The following BICD1 variants were observed in gnomAD, a reference collection of about 807,000 sequenced individuals.
BICD1 encodes protein bicaudal D homolog 1.
In BICD1, 35 loss-of-function variants were observed where a neutral mutation model predicts 92.5. That is an observed-to-expected ratio of 0.38 (90% CI 0.29 to 0.50). The LOEUF is 0.50. Among genes scored for constraint, BICD1 ranks in the 20% least tolerant of loss-of-function variants. The pLI is 0.93. For synonymous variants in BICD1, 429 were observed against 465.1 expected, an observed-to-expected ratio of 0.92 and a Z score of 1.00; for missense variants, 950 against 1,189.8, an observed-to-expected ratio of 0.80 and a Z score of 2.97.
chr12:32,142,489 T>TC (rs1232548203), intron 1 of BICD1, among the ~76,000 whole-genome samples: 28 of 50,738 alleles, frequency 5.5e-4, no homozygotes, highest in Non-Finnish European at 1.0e-3. Context: ...TATCTATCTA[T>TC]TGGTCTATCT....
chr12:32,193,625 C>T (rs1432737371), intron 1 of BICD1, among the ~76,000 whole-genome samples: 1 of 151,904 alleles, frequency 6.6e-6, no homozygotes, highest in Non-Finnish European at 1.5e-5. Context: ...GGATCAATTC[C>T]TAGAAACATA....
intron 9 of BICD1, among the ~76,000 whole-genome samples, chr12:32,370,370 A>G (rs1014026925): frequency 8.5e-5 from 13 of 152,102 alleles, no homozygotes; most frequent in Non-Finnish European, 1.6e-4. Context: ...AAAAAAAAAA[A>G]AGAAATAATG....
At chr12:32,279,001 C>T (rs951526352) in intron 2 of BICD1, among the ~76,000 whole-genome samples, 2 of 152,144 alleles carry the variant, frequency 1.3e-5, no homozygotes, top group African/African-American at 4.8e-5. Context: ...CAATGCAGTA[C>T]TTTGCTGATA....
intron 8 of BICD1, chr12:32,339,382 G>A: frequency 2.0e-6 from 2 of 988,408 alleles, no homozygotes; most frequent in Non-Finnish European, 2.4e-6. Context: ...TGTATAACAA[G>A]GCTTTTGGGC....
At chr12:32,366,603 A>T (rs917850891) in intron 8 of BICD1, among the ~76,000 whole-genome samples, 3 of 152,156 alleles carry the variant, frequency 2.0e-5, no homozygotes, top group African/African-American at 7.2e-5. Flanking sequence ...CTGAGATTGC[A>T]CCATTGCACT....
chr12:32,378,423 C>CT lies in BICD1; in HGVS notation c.*799dup, dbSNP rs1199852983. 6.6e-6 allele frequency: 1 copy of CT among 152,086 alleles called. No homozygotes were observed. The highest frequency in any genetic ancestry group is 1.5e-5 in the Non-Finnish European group (1 of 68,010). The allele number at this position is 152,086 out of a possible 1,614,324, so 9.4% of individuals were successfully genotyped here. Reference sequence around the variant, plus strand: ...TGACTTATTCAAGTTTTGATGGCATCTTTACTTTTATTTTTTCATTGCAGT... The same window carrying CT: ...TGACTTATTCAAGTTTTGATGGCATCTTTTACTTTTATTTTTTCATTGCAGT... On this transcript the variant is annotated 3_prime_UTR_variant, in exon 10 of 10. Coordinates refer to ENST00000652176, the MANE Select transcript of BICD1 (RefSeq NM_001714.4).
At chr12:32,322,103 A>G (rs1948675801) in intron 4 of BICD1, among the ~76,000 whole-genome samples, 1 of 152,222 alleles carries the variant, frequency 6.6e-6, no homozygotes, top group East Asian at 1.9e-4. Flanking sequence ...CTGAGTGAAA[A>G]TACAGTGTTG....
chr12:32,169,420 G>A (rs1164797732), intron 1 of BICD1, among the ~76,000 whole-genome samples: 2 of 152,058 alleles, frequency 1.3e-5, no homozygotes, highest in Non-Finnish European at 2.9e-5. Context: ...GAAGCAGCTT[G>A]GCCTGGACCC....
rs892555323 is a variant in BICD1 at position 32,179,860 on chromosome 12, G to A, written c.214-36387G>A. Among the ~76,000 whole-genome samples, 8 of 151,514 alleles carry A rather than the reference G, an allele frequency of 5.3e-5. No individual in the cohort carries two copies. In the East Asian group the frequency reaches 7.7e-4, roughly 15 times the overall value. ...CAAAAATTAGCTGGGCATGGTGGTA[G>A]GCACCTGTAATCCCAGCTACTCAGG... On this transcript the variant is annotated intron_variant, in intron 1 of 9. Coordinates refer to ENST00000652176, the MANE Select transcript of BICD1 (RefSeq NM_001714.4).
chr12:32,307,776 GA>G (rs1467710957), intron 4 of BICD1, among the ~76,000 whole-genome samples: 2 of 152,178 alleles, frequency 1.3e-5, no homozygotes, highest in African/African-American at 4.8e-5. Context: ...TAGATTGATT[GA>G]AACAGAAAAC....
rs1283692639 is a variant in BICD1 at position 32,313,935 on chromosome 12, G to T, written c.1005+7813G>T. On this transcript the variant is annotated intron_variant, in intron 4 of 9. Coordinates refer to ENST00000652176, the MANE Select transcript of BICD1 (RefSeq NM_001714.4). This position sits in a 1 kb window ranked among gnomAD's most constrained non-coding sequence, Gnocchi z 4.2. ...GGAGGTCAAGGCTGCAGTGAGCCATGACCATGCCACTGCACTCCAGCCTAG... is the reference window on the plus strand; with the variant it reads ...GGAGGTCAAGGCTGCAGTGAGCCATTACCATGCCACTGCACTCCAGCCTAG... 2.0e-5 allele frequency among the ~76,000 whole-genome samples: 3 copies of T among 152,206 alleles called. No homozygotes were observed.
At chr12:32,218,987 A>C (rs76777653) in intron 2 of BICD1, among the ~76,000 whole-genome samples, 9,642 of 152,308 alleles carry the variant, frequency 0.063, 404 homozygotes, top group Middle Eastern at 0.12. Flanking sequence ...GTTGGTATTA[A>C]GTTGAAATCT....
At chr12:32,231,659 T>C (rs908057065) in intron 2 of BICD1, among the ~76,000 whole-genome samples, 4 of 152,040 alleles carry the variant, frequency 2.6e-5, no homozygotes, top group Middle Eastern at 3.4e-3. Context: ...TACATATGTA[T>C]ACATGTGCCA....
intron 3 of BICD1, among the ~76,000 whole-genome samples, chr12:32,296,487 G>A (rs919382187): frequency 2.6e-5 from 4 of 151,910 alleles, no homozygotes; most frequent in Non-Finnish European, 5.9e-5. Flanking sequence ...TCGATCTCCT[G>A]ACCTCATGAT....
At chr12:32,127,584 TC>T (rs1255061355) in intron 1 of BICD1, among the ~76,000 whole-genome samples, 2 of 152,248 alleles carry the variant, frequency 1.3e-5, no homozygotes, top group African/African-American at 4.8e-5. Context: ...TAATATAAGT[TC>T]TTGGTAGCTG....
intron 1 of BICD1, among the ~76,000 whole-genome samples, chr12:32,179,679 G>A (rs557573527): frequency 1.4e-4 from 21 of 151,988 alleles, no homozygotes; most frequent in African/African-American, 5.1e-4. Flanking sequence ...TTGTGTATTA[G>A]ACTGAAGTAA....
chr12:32,275,948 G>A (rs539387346), intron 2 of BICD1, among the ~76,000 whole-genome samples: 11 of 152,196 alleles, frequency 7.2e-5, no homozygotes, highest in African/African-American at 2.4e-4. Flanking sequence ...AAGAACCCCA[G>A]GTCAGAGAAC....
intron 2 of BICD1, among the ~76,000 whole-genome samples, chr12:32,237,335 C>G (rs1946102526): frequency 6.6e-6 from 1 of 152,228 alleles, no homozygotes; most frequent in Admixed American, 6.5e-5. Context: ...GGCAAGTAAA[C>G]AGCAAGTGCT....
At chr12:32,367,856 T>A in intron 9 of BICD1, 111 bp downstream of exon 9, 1 of 987,526 alleles carries the variant, frequency 1.0e-6, no homozygotes, top group Non-Finnish European at 1.6e-6. Context: ...TTGCTGTATT[T>A]TATTTCAAGT....
Sources: gnomAD v4.1 joint callset for allele counts (sites outside exome capture counted in the v4.1 genomes callset) on GRCh38, gnomAD v4.1.1 for gene constraint, Gnocchi (gnomAD v3.1) non-coding constraint, MANE v1.5 for transcripts, NCBI Gene and HGNC (gene_info 2026-07-23, HGNC 2026-07-21) for gene names.